The following CENPP variants were observed in gnomAD, a reference collection of about 807,000 sequenced individuals.
CENPP encodes the protein centromere protein P.
Under a neutral mutation model 35.6 loss-of-function variants are expected in CENPP, and 24 were observed. The ratio of observed to expected loss-of-function variants is 0.67; its 90% CI spans 0.49 to 0.95. The LOEUF (loss-of-function observed/expected upper bound fraction) is 0.95. CENPP is among the 40% of genes least tolerant of loss of function. The pLI, the probability that CENPP is intolerant of heterozygous loss-of-function variation, is 0.00. For missense variants in CENPP, 332 were observed against 345.3 expected (o/e 0.96, Z 0.31); for synonymous variants, 120 against 125.5 (o/e 0.96, Z 0.29).
intron 5 of CENPP, chr9:92,494,137 A>G: frequency 6.3e-7 from 1 of 1,597,604 alleles, no homozygotes; most frequent in African/African-American, 1.3e-5. Flanking sequence ...CTAGAACAGC[A>G]TCTGAAACAC....
Position 92,570,711 on chromosome 9 carries a change from AC to A in CENPP, c.565-40602del, listed in dbSNP as rs1234500025. On this transcript the variant is annotated intron_variant, in intron 5 of 7. Transcript: ENST00000375587. ...CGGCTGTGAATCCGTCTGGTCCTGGACTTTTTTTGGTTGGTAGGCTATTAAT... is the reference window on the plus strand; with the variant it reads ...CGGCTGTGAATCCGTCTGGTCCTGGATTTTTTTGGTTGGTAGGCTATTAAT... Among the ~76,000 whole-genome samples the A allele has an allele frequency of 7.9e-5, 12 of 152,040 alleles. No homozygotes were observed. The South Asian group carries it at 8.3e-4, about 11-fold the overall frequency.
intron 5 of CENPP, among the ~76,000 whole-genome samples, chr9:92,459,371 G>A (rs1404661347): frequency 1.3e-5 from 2 of 152,224 alleles, no homozygotes; most frequent in Admixed American, 6.5e-5. Context: ...CTGTGCCAGC[G>A]GCTTTGCCGC....
chr9:92,570,356 T>C (rs1850103139), intron 5 of CENPP, among the ~76,000 whole-genome samples: 1 of 152,214 alleles, frequency 6.6e-6, no homozygotes, highest in African/African-American at 2.4e-5. Context: ...TTGTCTTTAG[T>C]TCTGTTTATA....
intron 5 of CENPP, chr9:92,415,063 A>C: frequency 1.0e-6 from 1 of 992,242 alleles, no homozygotes; most frequent in Non-Finnish European, 1.4e-6. Context: ...TTCTAAATAT[A>C]TTACTTTGAG....
intron 5 of CENPP, among the ~76,000 whole-genome samples, chr9:92,501,648 A>G (rs1340337649): frequency 1.3e-5 from 2 of 152,170 alleles, no homozygotes; most frequent in Non-Finnish European, 2.9e-5. Context: ...GAGTCTCCTA[A>G]GGCTTCTGCC....
At chr9:92,451,877 A>G (rs1035105916) in intron 5 of CENPP, among the ~76,000 whole-genome samples, 1 of 151,792 alleles carries the variant, frequency 6.6e-6, no homozygotes, top group Non-Finnish European at 1.5e-5. Flanking sequence ...ATGGGAGTTC[A>G]CTCATGATTT....
intron 4 of CENPP, among the ~76,000 whole-genome samples, chr9:92,351,220 G>A (rs936984587): frequency 6.6e-6 from 1 of 152,106 alleles, no homozygotes; most frequent in Non-Finnish European, 1.5e-5. Context: ...GCCAGGTGTG[G>A]TGGCTCACGC....
chr9:92,417,901 A>AT (rs1322341239), intron 5 of CENPP, among the ~76,000 whole-genome samples: 1 of 151,150 alleles, frequency 6.6e-6, no homozygotes, highest in Non-Finnish European at 1.5e-5. Context: ...TTATTTTTGT[A>AT]TTTTTTAGTA....
At chr9:92,555,372 G>T (rs536029955) in intron 5 of CENPP, among the ~76,000 whole-genome samples, 2 of 151,544 alleles carry the variant, frequency 1.3e-5, no homozygotes, top group East Asian at 3.9e-4. Context: ...GATTACAGAT[G>T]CATACCACCA....
intron 4 of CENPP, among the ~76,000 whole-genome samples, chr9:92,354,825 AAG>A (rs2130821406): frequency 6.6e-6 from 1 of 152,260 alleles, no homozygotes; most frequent in South Asian, 2.1e-4. Context: ...AAAGAGTAAA[AAG>A]AGAGGAATTT....
intron 5 of CENPP, among the ~76,000 whole-genome samples, chr9:92,559,344 T>C (rs1201088691): frequency 6.6e-6 from 1 of 152,170 alleles, no homozygotes; most frequent in East Asian, 1.9e-4. Context: ...CTAACTTGAC[T>C]CAGCTCCGGG....
chr9:92,573,839 G>A (rs964758100), intron 5 of CENPP, among the ~76,000 whole-genome samples: 4 of 152,224 alleles, frequency 2.6e-5, no homozygotes, highest in Non-Finnish European at 5.9e-5. Flanking sequence ...CTTGCAGTTG[G>A]ATCTCAGACT....
intron 5 of CENPP, among the ~76,000 whole-genome samples, chr9:92,459,450 C>T (rs979204980): frequency 3.9e-5 from 6 of 152,216 alleles, no homozygotes; most frequent in Non-Finnish European, 7.3e-5. Context: ...CTTGTGACGT[C>T]GATGTAGAAA....
intron 4 of CENPP, among the ~76,000 whole-genome samples, chr9:92,347,402 A>G (rs935934917): frequency 1.2e-4 from 18 of 152,290 alleles, no homozygotes; most frequent in Admixed American, 3.9e-4. Context: ...CTTTTTGGGC[A>G]ATTTTTTAGA....
In CENPP at chr9:92,393,014, T is replaced by A. The variant is rs950520491; in HGVS notation, c.564+13155T>A. 2.1e-5 allele frequency: 27 copies of A among 1,261,810 alleles called. No homozygotes were observed. The South Asian group carries it at 4.2e-4, about 20-fold the overall frequency. The allele number at this position is 1,261,810 out of a possible 1,614,324, so 78.2% of individuals were successfully genotyped here. Reference sequence around the variant, plus strand: ...CTGAATGTGATAGGCAGCAACTATATAGAAACTTGTGTTTATATGAGTTAA... The same window carrying A: ...CTGAATGTGATAGGCAGCAACTATAAAGAAACTTGTGTTTATATGAGTTAA... On this transcript the variant is annotated intron_variant, in intron 5 of 7. Coordinates refer to ENST00000375587, the MANE Select transcript of CENPP (RefSeq NM_001012267.3).
intron 5 of CENPP, among the ~76,000 whole-genome samples, chr9:92,441,614 C>T (rs73520537): frequency 0.02 from 3,087 of 152,120 alleles, 109 homozygotes; most frequent in African/African-American, 0.07. Flanking sequence ...CAAAAGTCAG[C>T]CTGGCATGAT....
chr9:92,371,072 C>T (rs1841994649), intron 4 of CENPP, among the ~76,000 whole-genome samples: 1 of 152,002 alleles, frequency 6.6e-6, no homozygotes, highest in Admixed American at 6.6e-5. Context: ...TGGTCCTTTG[C>T]ATTATTTATT....
chr9:92,506,367 A>G (rs1365896935), intron 5 of CENPP, among the ~76,000 whole-genome samples: 3 of 152,048 alleles, frequency 2.0e-5, no homozygotes, highest in Non-Finnish European at 4.4e-5. Context: ...CTAGCAAGAA[A>G]GGCCTTTATA....
At chr9:92,352,505 G>GTGTGTGTATAAATATATATATA in intron 4 of CENPP, among the ~76,000 whole-genome samples, 1 of 49,766 alleles carries the variant, frequency 2.0e-5, no homozygotes, top group African/African-American at 1.8e-4. Context: ...GTGTGTGTGT[G>GTGTGTGTATAAATATATATATA]TATACATATA....
Sources: gnomAD v4.1 joint callset for allele counts (sites outside exome capture counted in the v4.1 genomes callset) on GRCh38, gnomAD v4.1.1 for gene constraint, MANE v1.5 for transcripts, NCBI Gene and HGNC (gene_info 2026-07-23, HGNC 2026-07-21) for gene names.